Variants in SEMA5A observed in about 807,000 individuals in gnomAD.
SEMA5A encodes semaphorin 5A.
A neutral mutation model predicts 135.5 loss-of-function variants in SEMA5A; 55 were observed. The ratio of observed to expected loss-of-function variants is 0.41; its 90% CI spans 0.33 to 0.51. The LOEUF is 0.51. SEMA5A is among the 20% of genes least tolerant of loss of function. SEMA5A has a pLI of 0.37. For missense variants in SEMA5A, 1,290 were observed against 1,419.9 expected (o/e 0.91, Z 1.47); for synonymous variants, 580 against 546.5 (o/e 1.06, Z -0.85).
intron 5 of SEMA5A, among the ~76,000 whole-genome samples, chr5:9,277,605 C>T (rs763255925): frequency 1.3e-5 from 2 of 152,084 alleles, no homozygotes; most frequent in Non-Finnish European, 2.9e-5. Flanking sequence ...GAAAATGTGG[C>T]ACATATACAC....
chr5:9,426,432 T>TAAATAAAATA (rs149891161), intron 2 of SEMA5A, among the ~76,000 whole-genome samples: 30,805 of 120,840 alleles, frequency 0.25, 5,055 homozygotes, highest in East Asian at 0.52. Context: ...CTCAAAAAAA[T>TAAATAAAATA]AAATAAAATA....
intron 21 of SEMA5A, among the ~76,000 whole-genome samples, chr5:9,047,177 C>A (rs1457474453): frequency 1.3e-5 from 2 of 152,218 alleles, no homozygotes; most frequent in African/African-American, 4.8e-5. Flanking sequence ...TTAGCACTCT[C>A]AGGGTCAATG....
intron 7 of SEMA5A, among the ~76,000 whole-genome samples, chr5:9,225,587 T>G (rs954827495): frequency 7.2e-6 from 1 of 138,174 alleles, no homozygotes; most frequent in Non-Finnish European, 1.5e-5. Flanking sequence ...AAAAAAAAAA[T>G]TATGTATAAT....
chr5:9,188,582 AG>A (rs1744929916), intron 11 of SEMA5A, among the ~76,000 whole-genome samples: 1 of 152,096 alleles, frequency 6.6e-6, no homozygotes, highest in African/African-American at 2.4e-5. Flanking sequence ...CAAGGTACTA[AG>A]GAAGTCCTCA....
intron 5 of SEMA5A, among the ~76,000 whole-genome samples, chr5:9,262,994 T>C (rs529743908): frequency 1.2e-3 from 180 of 146,500 alleles, no homozygotes; most frequent in South Asian, 2.4e-3. Flanking sequence ...AATAAATGCC[T>C]AAGGAATTCC....
intron 13 of SEMA5A, among the ~76,000 whole-genome samples, chr5:9,133,231 T>A (rs1741536008): frequency 6.6e-6 from 1 of 152,224 alleles, no homozygotes; most frequent in East Asian, 1.9e-4. Flanking sequence ...AATACTGATG[T>A]ATATTAATGC....
intron 16 of SEMA5A, among the ~76,000 whole-genome samples, chr5:9,096,011 C>A (rs906231777): frequency 1.1e-4 from 17 of 152,124 alleles, no homozygotes; most frequent in African/African-American, 3.9e-4. Context: ...GATTTAATTT[C>A]CTTTGGGTAT....
chr5:9,390,298 C>A (rs576287725), intron 2 of SEMA5A, among the ~76,000 whole-genome samples: 2 of 152,122 alleles, frequency 1.3e-5, no homozygotes, highest in African/African-American at 4.8e-5. Flanking sequence ...AACATGAAAG[C>A]AGACGGAAGA....
Position 9,345,346 on chromosome 5 carries a change from T to C in SEMA5A, c.125-7534A>G, listed in dbSNP as rs563181644. On this transcript the variant is annotated intron_variant, in intron 3 of 22. Transcript: ENST00000382496. ...GTCACATGGGAGTCCCTTCCAGACA[T>C]GAAGCCTGTCCACCACCTGCCCTGG... Among the ~76,000 whole-genome samples, 5 of 152,268 alleles carry C rather than the reference T, an allele frequency of 3.3e-5. No individual in the cohort carries two copies. In the East Asian group the frequency reaches 9.7e-4, roughly 29 times the overall value.
intron 5 of SEMA5A, among the ~76,000 whole-genome samples, chr5:9,248,831 G>A (rs977536450): frequency 2.0e-5 from 3 of 152,174 alleles, no homozygotes; most frequent in African/African-American, 7.2e-5. Flanking sequence ...TCTGGAGAAA[G>A]TGTGGCCCGG....
At chr5:9,383,461 A>G (rs1215451198) in intron 2 of SEMA5A, among the ~76,000 whole-genome samples, 2 of 152,148 alleles carry the variant, frequency 1.3e-5, no homozygotes, top group African/African-American at 4.8e-5. Flanking sequence ...GTGGCAATCA[A>G]TCCTTAATAC....
At chr5:9,097,508 C>T (rs1352327838) in intron 16 of SEMA5A, among the ~76,000 whole-genome samples, 10 of 152,202 alleles carry the variant, frequency 6.6e-5, no homozygotes, top group Non-Finnish European at 1.5e-4. Context: ...CAATTCTCTA[C>T]TTACTTCATT....
intron 3 of SEMA5A, among the ~76,000 whole-genome samples, chr5:9,349,196 A>G (rs1353487691): frequency 6.6e-6 from 1 of 152,230 alleles, no homozygotes; most frequent in Non-Finnish European, 1.5e-5. Flanking sequence ...TACAGATTCT[A>G]TCTACACATC....
chr5:9,221,985 C>T (rs995560115), intron 8 of SEMA5A, among the ~76,000 whole-genome samples: 1 of 152,142 alleles, frequency 6.6e-6, no homozygotes, highest in African/African-American at 2.4e-5. Flanking sequence ...TTTTCTGTTG[C>T]CCTTTCTACC....
intron 2 of SEMA5A, among the ~76,000 whole-genome samples, chr5:9,413,080 G>T (rs1446851349): frequency 6.6e-6 from 1 of 152,118 alleles, no homozygotes; most frequent in Non-Finnish European, 1.5e-5. Context: ...CTAGCTATGG[G>T]TACAAAGTCA....
intron 1 of SEMA5A, among the ~76,000 whole-genome samples, chr5:9,508,339 T>A (rs1658847492): frequency 1.3e-5 from 2 of 152,134 alleles, no homozygotes; most frequent in South Asian, 4.1e-4. Flanking sequence ...GCCTCCTAAA[T>A]ATCTTTTAAG....
At chr5:9,301,698 C>A (rs1484142895) in intron 5 of SEMA5A, among the ~76,000 whole-genome samples, 1 of 152,112 alleles carries the variant, frequency 6.6e-6, no homozygotes, top group Non-Finnish European at 1.5e-5. Context: ...TGATTAAGGG[C>A]ACTTGGGTCA....
intron 5 of SEMA5A, among the ~76,000 whole-genome samples, chr5:9,316,963 A>T (rs1752421437): frequency 6.6e-6 from 1 of 152,006 alleles, no homozygotes; most frequent in South Asian, 2.1e-4. Context: ...ACCTTCCCTG[A>T]CCTTCTGGGC....
chr5:9,102,231 T>C (rs1739671124), intron 16 of SEMA5A, among the ~76,000 whole-genome samples: 1 of 152,216 alleles, frequency 6.6e-6, no homozygotes, highest in Non-Finnish European at 1.5e-5. Context: ...CTATATTTTA[T>C]GATGAAAGGA....
Sources: allele counts gnomAD v4.1 joint callset (sites outside exome capture counted in the v4.1 genomes callset), GRCh38; gene constraint gnomAD v4.1.1; transcripts MANE v1.5; gene names NCBI Gene and HGNC (gene_info 2026-07-23, HGNC 2026-07-21).